Variants in SOX5 observed in about 807,000 individuals in gnomAD.
The protein encoded by SOX5 is transcription factor SOX-5.
Under a neutral mutation model 92.0 loss-of-function variants are expected in SOX5, and 9 were observed. The ratio of observed to expected loss-of-function variants is 0.10; its 90% CI spans 0.06 to 0.17. SOX5 has a LOEUF of 0.17. Ranked by LOEUF, SOX5 falls within the 10% of genes least tolerant of loss-of-function variation. SOX5 has a pLI of 1.00. For synonymous variants in SOX5, 344 were observed against 336.3 expected (o/e 1.02, Z -0.25); for missense variants, 642 against 944.5 (o/e 0.68, Z 4.20).
intron 13 of SOX5, among the ~76,000 whole-genome samples, chr12:23,537,876 G>A (rs569688924): frequency 1.2e-4 from 19 of 152,068 alleles, no homozygotes; most frequent in African/African-American, 4.1e-4. Context: ...CGGTGTGTCC[G>A]GAGTTTGTTC....
chr12:24,385,081 T>C (rs983434092), intron 1 of SOX5, among the ~76,000 whole-genome samples: 5 of 152,180 alleles, frequency 3.3e-5, no homozygotes, highest in African/African-American at 1.2e-4. Flanking sequence ...TTGTTATAAT[T>C]GTTCTATTTT....
chr12:24,068,261 T>A (rs1235023221), intron 4 of SOX5, among the ~76,000 whole-genome samples: 1 of 152,174 alleles, frequency 6.6e-6, no homozygotes, highest in East Asian at 1.9e-4. Context: ...AGAAAAAGAA[T>A]TAGAGATTCG....
intron 3 of SOX5, among the ~76,000 whole-genome samples, chr12:23,779,221 T>C (rs2095203355): frequency 6.6e-6 from 1 of 152,048 alleles, no homozygotes; most frequent in Non-Finnish European, 1.5e-5. Flanking sequence ...TTTTGAGAAA[T>C]GTTTATTTTT....
intron 8 of SOX5, among the ~76,000 whole-genome samples, chr12:23,634,307 G>A (rs967754407): frequency 6.6e-6 from 1 of 152,164 alleles, no homozygotes; most frequent in Non-Finnish European, 1.5e-5. Flanking sequence ...TATATTTGAA[G>A]ATGACTAGTG....
chr12:24,464,486 G>A (rs1391488453), intron 1 of SOX5, among the ~76,000 whole-genome samples: 2 of 151,958 alleles, frequency 1.3e-5, no homozygotes, highest in Non-Finnish European at 2.9e-5. Context: ...GACTACAGGT[G>A]CCCACCACCA....
chr12:23,648,861 T>G (rs1220187016), intron 7 of SOX5, among the ~76,000 whole-genome samples: 1 of 152,174 alleles, frequency 6.6e-6, no homozygotes, highest in Non-Finnish European at 1.5e-5. Flanking sequence ...GCAGCAGGAA[T>G]TTAAAAGACT....
intron 4 of SOX5, among the ~76,000 whole-genome samples, chr12:24,028,841 C>A (rs958401300): frequency 6.6e-6 from 1 of 151,920 alleles, no homozygotes; most frequent in Non-Finnish European, 1.5e-5. Context: ...TAGTAGCAAA[C>A]ATCTATTTAA....
At chr12:23,928,499 C>A (rs2139108121) in intron 1 of SOX5, among the ~76,000 whole-genome samples, 1 of 151,930 alleles carries the variant, frequency 6.6e-6, no homozygotes, top group South Asian at 2.1e-4. Context: ...CATATAAAAA[C>A]AATTTTATGC....
intron 1 of SOX5, chr12:24,562,294 G>C (rs553113933): frequency 2.0e-5 from 3 of 152,374 alleles, no homozygotes; most frequent in East Asian, 3.9e-4. Context: ...CAACAACATC[G>C]GGACGAACAA....
intron 3 of SOX5, among the ~76,000 whole-genome samples, chr12:24,238,426 A>G (rs1964932185): frequency 6.6e-6 from 1 of 152,194 alleles, no homozygotes; most frequent in African/African-American, 2.4e-5. Flanking sequence ...ACCTCAGGTC[A>G]CTGTAGCCTC....
At chr12:24,383,852 C>T (rs898445976) in intron 1 of SOX5, among the ~76,000 whole-genome samples, 1 of 152,082 alleles carries the variant, frequency 6.6e-6, no homozygotes, top group Non-Finnish European at 1.5e-5. Context: ...TTGGCTGTGT[C>T]CCCACCCAAA....
intron 2 of SOX5, among the ~76,000 whole-genome samples, chr12:23,890,010 C>A (rs1233776621): frequency 6.6e-6 from 1 of 151,932 alleles, no homozygotes; most frequent in Non-Finnish European, 1.5e-5. Flanking sequence ...AATGAAAAAC[C>A]TAAATTATTT....
chr12:23,950,927 T>C, upstream of SOX5: 2 of 1,513,784 alleles, frequency 1.3e-6, no homozygotes, highest in South Asian at 1.2e-5. Flanking sequence ...GGTCAGGGAG[T>C]AAGCACACAC....
At chr12:23,655,118 C>T (rs2082148619) in intron 7 of SOX5, among the ~76,000 whole-genome samples, 1 of 152,010 alleles carries the variant, frequency 6.6e-6, no homozygotes, top group Non-Finnish European at 1.5e-5. Context: ...AATGGGAAGA[C>T]CTTTCTGCAT....
At chr12:24,347,091 G>A (rs535162928) in intron 2 of SOX5, among the ~76,000 whole-genome samples, 29 of 152,278 alleles carry the variant, frequency 1.9e-4, no homozygotes, top group African/African-American at 7.0e-4. Flanking sequence ...ATATTTGTGG[G>A]TTCTGCATTC....
chr12:23,800,053 T>C (rs1385814448), intron 3 of SOX5, among the ~76,000 whole-genome samples: 4 of 152,066 alleles, frequency 2.6e-5, no homozygotes, highest in Admixed American at 2.6e-4. Context: ...CTTAGAGTGA[T>C]ATCTAAAATG....
At chr12:24,032,857 ACT>A (rs1446978086) in intron 4 of SOX5, among the ~76,000 whole-genome samples, 6 of 151,802 alleles carry the variant, frequency 4.0e-5, no homozygotes, top group African/African-American at 1.5e-4. Flanking sequence ...TTCAAACTAC[ACT>A]CTCTTCTGCT....
At chr12:24,279,640 T>G (rs960590540) in intron 2 of SOX5, among the ~76,000 whole-genome samples, 1 of 152,104 alleles carries the variant, frequency 6.6e-6, no homozygotes, top group Non-Finnish European at 1.5e-5. Flanking sequence ...GCTCAATTCC[T>G]TCATATCCTT....
intron 3 of SOX5, among the ~76,000 whole-genome samples, chr12:24,257,912 C>T (rs369679382): frequency 1.8e-4 from 28 of 152,114 alleles, no homozygotes; most frequent in East Asian, 5.8e-4. Context: ...CCATGGCTCA[C>T]GCCTGTAATC....
Sources: allele counts gnomAD v4.1 joint callset (sites outside exome capture counted in the v4.1 genomes callset), GRCh38; gene constraint gnomAD v4.1.1; transcripts MANE v1.5; gene names NCBI Gene and HGNC (gene_info 2026-07-23, HGNC 2026-07-21).